Variants in SLC9A4 observed in about 807,000 individuals in gnomAD.
The protein encoded by SLC9A4 is solute carrier family 9 member A4.
A neutral mutation model predicts 67.4 loss-of-function variants in SLC9A4; 63 were observed. That is an observed-to-expected ratio of 0.93 (90% CI 0.76 to 1.15). SLC9A4 has a LOEUF of 1.15. SLC9A4 is among the 50% of genes most tolerant of loss of function. The probability of loss-of-function intolerance (pLI) is 0.00; values close to 1 mark genes in which losing one functional copy is unlikely to be tolerated. For missense variants in SLC9A4, 1,089 were observed against 987.7 expected, an observed-to-expected ratio of 1.10 and a Z score of -1.38; for synonymous variants, 393 against 367.2, an observed-to-expected ratio of 1.07 and a Z score of -0.80.
rs982028347 is a variant in SLC9A4 at position 102,510,734 on chromosome 2, T to C, written c.1489-1469T>C. 1.4e-4 allele frequency among the ~76,000 whole-genome samples: 22 copies of C among 152,342 alleles called. No individual in the cohort carries two copies. In the East Asian group the frequency reaches 3.5e-3, roughly 24 times the overall value. On this transcript the variant is annotated intron_variant, in intron 6 of 11. Transcript: ENST00000295269. Reference sequence around the variant, plus strand: ...CAATGAAATATGGGGTCCTCTGCCCTTTTTGAATATAGGAGGGGCAAAGGG... The same window carrying C: ...CAATGAAATATGGGGTCCTCTGCCCCTTTTGAATATAGGAGGGGCAAAGGG...
intron 2 of SLC9A4, among the ~76,000 whole-genome samples, chr2:102,498,302 T>A (rs1396569114): frequency 3.9e-5 from 6 of 152,228 alleles, no homozygotes; most frequent in Non-Finnish European, 8.8e-5. Context: ...TTATATGTAC[T>A]ACTTTAGCTT....
chr2:102,530,833 T>G (rs1007451221), intron 11 of SLC9A4, among the ~76,000 whole-genome samples: 2 of 152,246 alleles, frequency 1.3e-5, no homozygotes, highest in African/African-American at 4.8e-5. Flanking sequence ...TGGTCTCCTT[T>G]GGCCAATTTC....
intron 7 of SLC9A4, 92 bp from the exon 8 acceptor site, chr2:102,513,998 A>C (rs1685221595): frequency 2.0e-6 from 3 of 1,481,070 alleles, no homozygotes; most frequent in Non-Finnish European, 2.7e-6. Flanking sequence ...GAATAAAGTT[A>C]AGTAGTAAGT....
intron 11 of SLC9A4, 75 bp downstream of exon 11, chr2:102,526,421 A>G: frequency 7.3e-7 from 1 of 1,376,296 alleles, no homozygotes; most frequent in Non-Finnish European, 1.0e-6. Context: ...GTGGGCCAAG[A>G]GGCAACATTA....
chr2:102,491,529 TAAAACCACC>T (rs1684699728), intron 2 of SLC9A4, among the ~76,000 whole-genome samples: 1 of 151,960 alleles, frequency 6.6e-6, no homozygotes, highest in Admixed American at 6.6e-5. Flanking sequence ...CTGCCATTTA[TAAAACCACC>T]AGATCTCATG....
chr2:102,491,317 CTTTTTTTTTTTTTTTT>C (rs61708027), intron 2 of SLC9A4, among the ~76,000 whole-genome samples: 3 of 45,740 alleles, frequency 6.6e-5, no homozygotes, highest in East Asian at 9.1e-4. Context: ...TGTACTAATG[CTTTTTTTTTTTTTTTT>C]TTTTTTTTTT....
At chr2:102,474,074 A>T (rs893005355) in intron 1 of SLC9A4, 59 bp downstream of exon 1, 22 of 1,565,084 alleles carry the variant, frequency 1.4e-5, no homozygotes, top group African/African-American at 5.4e-5. Context: ...AGTGAATGTG[A>T]AAATGCCTTA....
In SLC9A4 at chr2:102,508,244, C is replaced by A. The variant is rs1233716666; in HGVS notation, c.1364C>A (p.Ala455Asp). Residue 455 changes from alanine to aspartate, a missense_variant, in exon 5 of 12, where the codon GCT (alanine) becomes GAT (aspartate). Transcript: ENST00000295269. The part of the protein sequence containing the change: ...LFPRKKMFVT[A>D]TLVVIYFTVF... Reference sequence around the variant, plus strand: ...CCTAGGAAGAAAATGTTTGTCACTGCTACTCTAGTAGTTATATACTTTACT... The same window carrying A: ...CCTAGGAAGAAAATGTTTGTCACTGATACTCTAGTAGTTATATACTTTACT... 1.2e-6 allele frequency: 2 copies of A among 1,614,022 alleles called. No individual in the cohort carries two copies. Among genetic ancestry groups the A allele is most frequent in the Non-Finnish European group, 1.7e-6 (2 of 1,179,960 alleles).
chr2:102,508,953 CA>C lies in SLC9A4; in HGVS notation c.1488+22del. 6.3e-7 allele frequency: 1 copy of C among 1,578,186 alleles called. No individual in the cohort carries two copies. Among genetic ancestry groups the C allele is most frequent in the South Asian group, 1.1e-5 (1 of 88,450 alleles). Reference sequence around the variant, plus strand: ...ATTCGTGTAAGTTATCTCATAGTCACAATTAATAAATTAACAAGACATTTCC... The same window carrying C: ...ATTCGTGTAAGTTATCTCATAGTCACATTAATAAATTAACAAGACATTTCC... On this transcript the variant is annotated intron_variant, in intron 6 of 11. Coordinates refer to ENST00000295269, the MANE Select transcript of SLC9A4 (RefSeq NM_001011552.4).
intron 2 of SLC9A4, among the ~76,000 whole-genome samples, chr2:102,501,462 C>A (rs1001409370): frequency 1.1e-4 from 16 of 152,032 alleles, no homozygotes; most frequent in Admixed American, 9.8e-4. Context: ...CAAGGCTGGT[C>A]TCGAACTTCT....
At chr2:102,520,927 G>A (rs12623776) in intron 9 of SLC9A4, among the ~76,000 whole-genome samples, 1 of 152,166 alleles carries the variant, frequency 6.6e-6, no homozygotes, top group Non-Finnish European at 1.5e-5. Context: ...TCAACTCAAA[G>A]GTCAATGATT....
At chr2:102,488,516 T>A (rs2104420819) in intron 2 of SLC9A4, among the ~76,000 whole-genome samples, 1 of 150,774 alleles carries the variant, frequency 6.6e-6, no homozygotes, top group Admixed American at 6.6e-5. Context: ...CTAATACCAC[T>A]GAGAAAGCTG....
chr2:102,509,008 G>C, intron 6 of SLC9A4, 75 bp downstream of exon 6: 1 of 1,179,854 alleles, frequency 8.5e-7, no homozygotes, highest in Non-Finnish European at 1.2e-6. Context: ...ATGTGCACGT[G>C]TCACTAGACT....
In SLC9A4 at chr2:102,473,700, C is replaced by T. The variant is rs1684268178; in HGVS notation, c.-60C>T. The T allele has an allele frequency of 2.0e-5, 32 of 1,584,544 alleles. No individual in the cohort carries two copies. The South Asian group carries it at 3.6e-4, about 18-fold the overall frequency. ...ATGCAGTCACTCTCTAGAAGCCTCC[C>T]CGACTTCAGATGTGTGGCACACATC... On this transcript the variant is annotated 5_prime_UTR_variant, in exon 1 of 12. Coordinates refer to ENST00000295269, the MANE Select transcript of SLC9A4 (RefSeq NM_001011552.4).
chr2:102,493,013 C>G (rs1324744714), intron 2 of SLC9A4, among the ~76,000 whole-genome samples: 2 of 152,172 alleles, frequency 1.3e-5, no homozygotes, highest in East Asian at 3.8e-4. Flanking sequence ...ATTCCAGTTC[C>G]CAATAAGTTG....
rs750159001 is a variant in SLC9A4 at position 102,525,096 on chromosome 2, C to T, written c.1891C>T (p.Arg631Cys). The T allele has an allele frequency of 1.7e-5, 28 of 1,613,890 alleles. No homozygotes were observed. Among genetic ancestry groups the T allele is most frequent in the Admixed American group, 5.0e-5 (3 of 59,990 alleles). Residue 631 changes from arginine (R) to cysteine (C), a missense_variant, in exon 10 of 12, where the codon CGC becomes TGC. Arg to Cys is a radical substitution (Grantham distance 180). Coordinates refer to ENST00000295269, the MANE Select transcript of SLC9A4 (RefSeq NM_001011552.4). ...EKQAKEILIR[R>C]QNTLRESMRK... ...GCAGGCTAAAGAGATTCTGATCCGC[C>T]GCCAGAACACCTTAAGGGAGAGCAT...
intron 9 of SLC9A4, 65 bp downstream of exon 9, chr2:102,520,020 T>A (rs1183795066): frequency 6.6e-6 from 9 of 1,364,120 alleles, no homozygotes; most frequent in Non-Finnish European, 9.3e-6. Context: ...GAAGGGGGAG[T>A]CTGTTGATGT....
intron 8 of SLC9A4, among the ~76,000 whole-genome samples, chr2:102,516,278 C>T (rs190011492): frequency 1.6e-3 from 242 of 152,094 alleles, no homozygotes; most frequent in African/African-American, 5.7e-3. Flanking sequence ...TCCTCGTACA[C>T]CCCAAGCAGT....
intron 6 of SLC9A4, among the ~76,000 whole-genome samples, chr2:102,511,533 A>C (rs954234896): frequency 1.2e-4 from 18 of 152,120 alleles, no homozygotes; most frequent in African/African-American, 4.1e-4. Flanking sequence ...TTCAGAAGCC[A>C]GTATAGACTT....
Sources: allele counts gnomAD v4.1 joint callset (sites outside exome capture counted in the v4.1 genomes callset), GRCh38; gene constraint gnomAD v4.1.1; transcripts MANE v1.5; gene names NCBI Gene and HGNC (gene_info 2026-07-23, HGNC 2026-07-21).